ATP9A: variants seen among roughly 807,000 people sequenced by gnomAD.
ATP9A encodes ATPase phospholipid transporting 9A.
A neutral mutation model predicts 144.1 loss-of-function variants in ATP9A; 52 were observed. That is an observed-to-expected ratio of 0.36 (90% confidence interval 0.29 to 0.45). The LOEUF is 0.45. ATP9A is among the 20% of genes least tolerant of loss of function. The pLI is 1.00. For synonymous variants in ATP9A, 582 were observed against 557.4 expected (o/e 1.04, Z -0.62); for missense variants, 947 against 1,392.7 (o/e 0.68, Z 5.09).
intron 13 of ATP9A, 76 bp from the exon 14 acceptor site, chr20:51,657,226 G>T: frequency 8.0e-7 from 1 of 1,255,768 alleles, no homozygotes; most frequent in Non-Finnish European, 1.1e-6. Context: ...CAGCCGTGCA[G>T]CTATTGTTTC....
chr20:51,667,867 G>A (rs2077439252), intron 13 of ATP9A, among the ~76,000 whole-genome samples: 1 of 151,440 alleles, frequency 6.6e-6, no homozygotes, highest in South Asian at 2.1e-4. Context: ...GTCCAGCCTG[G>A]GCAACACAGT....
At chr20:51,622,232 G>A (rs770219046) in intron 18 of ATP9A, 60 bp from the exon 19 acceptor site, 218 of 1,381,368 alleles carry the variant, frequency 1.6e-4, no homozygotes, top group Non-Finnish European at 2.1e-4. Context: ...CCTGTCATCT[G>A]CAACAGCTGA....
At chr20:51,671,807 T>G (rs1035391616) in intron 11 of ATP9A, among the ~76,000 whole-genome samples, 1 of 152,004 alleles carries the variant, frequency 6.6e-6, no homozygotes, top group African/African-American at 2.4e-5. Flanking sequence ...TTGACTACTT[T>G]TTTTTTTTTG....
chr20:51,765,632 A>C (rs2077900315), intron 1 of ATP9A, among the ~76,000 whole-genome samples: 1 of 131,548 alleles, frequency 7.6e-6, no homozygotes. Context: ...ACAAGAGTGA[A>C]GCTACATCTC....
At chr20:51,700,451 G>A (rs990700447) in intron 4 of ATP9A, among the ~76,000 whole-genome samples, 1 of 152,170 alleles carries the variant, frequency 6.6e-6, no homozygotes, top group Non-Finnish European at 1.5e-5. Flanking sequence ...GAGCCCAGGC[G>A]ACCAAGGCTG....
rs1300487046 is a variant in ATP9A, at chr20:51,597,119, C to T, written c.*4092G>A. 1 of 152,054 alleles carries T rather than the reference C, an allele frequency of 6.6e-6. No individual in the cohort carries two copies. The highest frequency in any genetic ancestry group is 1.5e-5 in the Non-Finnish European group (1 of 68,042). The allele number at this position is 152,054 out of a possible 1,614,324, so 9.4% of individuals were successfully genotyped here. A position where few individuals can be genotyped will look rare whatever the true frequency, so the allele number is the denominator to read the frequency against. Reference sequence around the variant, plus strand: ...GCAAATACCATGCCCCCCACCTGACCCCACAAACACAACAGTCACTGACAT... The same window carrying T: ...GCAAATACCATGCCCCCCACCTGACTCCACAAACACAACAGTCACTGACAT... On this transcript the variant is annotated 3_prime_UTR_variant, in exon 28 of 28. Coordinates refer to ENST00000338821, the MANE Select transcript of ATP9A (RefSeq NM_006045.3).
intron 1 of ATP9A, among the ~76,000 whole-genome samples, chr20:51,757,444 A>G (rs1391814104): frequency 6.6e-6 from 1 of 152,158 alleles, no homozygotes; most frequent in African/African-American, 2.4e-5. Context: ...CGCCGCCAAC[A>G]GGCTTTTCCT....
At chr20:51,730,071 G>T in intron 1 of ATP9A, 93 bp from the exon 2 acceptor site, 1 of 1,325,030 alleles carries the variant, frequency 7.5e-7, no homozygotes, top group Non-Finnish European at 9.8e-7. Flanking sequence ...TTTCTCTACA[G>T]CATCTTCTCT....
chr20:51,607,628 G>A, intron 25 of ATP9A, 44 bp from the exon 26 acceptor site: 2 of 1,467,400 alleles, frequency 1.4e-6, no homozygotes, highest in African/African-American at 1.4e-5. Flanking sequence ...TTCGCGGGGG[G>A]CTCACGCAGC....
At chr20:51,756,745 G>A (rs929148969) in intron 1 of ATP9A, among the ~76,000 whole-genome samples, 17 of 152,142 alleles carry the variant, frequency 1.1e-4, no homozygotes, top group African/African-American at 1.9e-4. Context: ...AGCTTCAAAC[G>A]TGAATTTGGG....
chr20:51,738,029 A>ATTT (rs11321391), intron 1 of ATP9A, among the ~76,000 whole-genome samples: 76 of 137,862 alleles, frequency 5.5e-4, no homozygotes, highest in African/African-American at 1.9e-3. Context: ...CCTCTAAAAC[A>ATTT]TTTTTTTTTT....
intron 10 of ATP9A, 22 bp downstream of exon 10, chr20:51,676,110 T>C (rs1254712029): frequency 6.3e-7 from 1 of 1,594,660 alleles, no homozygotes; most frequent in Admixed American, 1.7e-5. Context: ...CCGGTCAATG[T>C]ACCCCATGAC....
rs1482071835 is a variant in ATP9A, at chr20:51,617,535, G to A, written c.2370C>T (p.Val790=). ...CGCAGTCAGATTCCTGAATCATGCT[G>A]ACGTCATTGCCTCCGTCCCCTGCGA... is the stretch of plus-strand genomic sequence containing the variant. ...TCAVGDGGND[V]SMIQESDCGV... is the part of the protein sequence containing the mutation. Residue 790 remains valine (V), a synonymous_variant, in exon 22 of 28, where the codon GTC becomes GTT. Transcript: ENST00000338821. The A allele has an allele frequency of 6.2e-7, 1 of 1,611,900 alleles. No homozygotes were observed. Among genetic ancestry groups the A allele is most frequent in the African/African-American group, 1.3e-5 (1 of 74,874 alleles).
intron 27 of ATP9A, among the ~76,000 whole-genome samples, 164 bp from the exon 28 acceptor site, chr20:51,601,511 T>C (rs1417309193): frequency 6.6e-6 from 1 of 152,180 alleles, no homozygotes; most frequent in East Asian, 1.9e-4. Flanking sequence ...TAAGGGAAGG[T>C]ACCATGGCTA....
intron 20 of ATP9A, 23 bp from the exon 21 acceptor site, chr20:51,618,829 G>A (rs747271291): frequency 9.5e-6 from 15 of 1,578,896 alleles, no homozygotes; most frequent in Non-Finnish European, 1.3e-5. Flanking sequence ...GGGAGAGGTG[G>A]TGCGTTGGTG....
At chr20:51,675,549 G>T (rs1405189277) in intron 10 of ATP9A, among the ~76,000 whole-genome samples, 1 of 152,182 alleles carries the variant, frequency 6.6e-6, no homozygotes, top group Non-Finnish European at 1.5e-5. Context: ...TGAAACACAA[G>T]GCGTGCAAAC....
intron 3 of ATP9A, among the ~76,000 whole-genome samples, chr20:51,723,400 GA>G (rs963950191): frequency 6.0e-4 from 91 of 150,902 alleles, no homozygotes; most frequent in African/African-American, 2.2e-3. Context: ...TAACCTATAG[GA>G]AAAAAAATGA....
At chr20:51,651,269 T>C (rs2077364101) in intron 14 of ATP9A, among the ~76,000 whole-genome samples, 1 of 139,568 alleles carries the variant, frequency 7.2e-6, no homozygotes, top group Non-Finnish European at 1.5e-5. Flanking sequence ...TATTATATAA[T>C]ATATATTTAC....
chr20:51,646,035 T>C (rs1314097904), intron 14 of ATP9A, among the ~76,000 whole-genome samples: 1 of 152,170 alleles, frequency 6.6e-6, no homozygotes, highest in Non-Finnish European at 1.5e-5. Flanking sequence ...GATAAAATGC[T>C]GGAAAGGTAG....
Sources: allele counts gnomAD v4.1 joint callset (sites outside exome capture counted in the v4.1 genomes callset), GRCh38; gene constraint gnomAD v4.1.1; transcripts MANE v1.5; gene names NCBI Gene and HGNC (gene_info 2026-07-23, HGNC 2026-07-21).